The following PCDHGB7 variants were observed in gnomAD, a reference collection of about 807,000 sequenced individuals.
PCDHGB7 encodes the protein protocadherin gamma-B7.
In PCDHGB7, 37 loss-of-function variants were observed where a neutral mutation model predicts 61.4. That is an observed-to-expected ratio of 0.60 (90% CI 0.46 to 0.79). The LOEUF is 0.79. Among genes scored for constraint, PCDHGB7 ranks in the 30% least tolerant of loss-of-function variants. The pLI is 0.00. For missense variants in PCDHGB7, 1,166 were observed against 1,202.5 expected, an observed-to-expected ratio of 0.97 and a Z score of 0.45; for synonymous variants, 464 against 503.5, an observed-to-expected ratio of 0.92 and a Z score of 1.05.
At position 141,432,995 on chromosome 5, in the gene PCDHGB7, G is replaced by A. The variant is rs576866505; in HGVS notation, c.2415+12721G>A. On this transcript the variant is annotated intron_variant, in intron 1 of 3. Transcript: ENST00000398594. This position sits in a 1 kb window ranked among gnomAD's most constrained non-coding sequence, Gnocchi z 6.0. ...GTCGCACTTTGTGGGCGTGGACGGGGTGCAGGCTTTCCTGCAGACCTATTC... is the reference window on the plus strand; with the variant it reads ...GTCGCACTTTGTGGGCGTGGACGGGATGCAGGCTTTCCTGCAGACCTATTC... The A allele has an allele frequency of 1.2e-6, 2 of 1,614,226 alleles. No individual in the cohort carries two copies. The highest frequency in any genetic ancestry group is 3.3e-5 in the Admixed American group (2 of 60,028).
intron 2 of PCDHGB7, among the ~76,000 whole-genome samples, chr5:141,504,238 G>A (rs1043662594): frequency 2.0e-5 from 3 of 152,228 alleles, no homozygotes; most frequent in African/African-American, 7.2e-5. Flanking sequence ...CTAAGAAGCA[G>A]AGAGTTCTTC....
intron 1 of PCDHGB7, among the ~76,000 whole-genome samples, chr5:141,482,592 C>T (rs187714622): frequency 1.0e-4 from 15 of 142,934 alleles, no homozygotes; most frequent in East Asian, 6.1e-4. Context: ...TGGGACCAAA[C>T]GGGAAAAAAC....
chr5:141,503,221 C>A (rs528636727), intron 2 of PCDHGB7, among the ~76,000 whole-genome samples: 2 of 151,956 alleles, frequency 1.3e-5, no homozygotes, highest in Non-Finnish European at 2.9e-5. Context: ...CCATGAGCAC[C>A]GTAAAGATGG....
At chr5:141,421,789 G>A (rs756677817) in intron 1 of PCDHGB7, 5 of 1,613,830 alleles carry the variant, frequency 3.1e-6, no homozygotes, top group East Asian at 2.2e-5. Context: ...GGGCAGAACG[G>A]ATGGGGCCAA....
rs773688197 is a variant in PCDHGB7 at position 141,432,412 on chromosome 5, C to A, written c.2415+12138C>A. 2.5e-6 allele frequency: 4 copies of A among 1,614,128 alleles called. No homozygotes were observed. The Admixed American group carries it at 6.7e-5, about 27-fold the overall frequency. On this transcript the variant is annotated intron_variant, in intron 1 of 3. Transcript: ENST00000398594. The surrounding 1 kb of genome is among the most constrained non-coding windows in gnomAD (Gnocchi z 6.0). ...GCAGCAACGTGTCGTTGAGCCTGTT[C>A]GTGCTGGACCAGAACGACAATGCGC...
intron 1 of PCDHGB7, chr5:141,426,791 C>T (rs2096960403): frequency 2.2e-6 from 1 of 456,574 alleles, no homozygotes; most frequent in Non-Finnish European, 4.4e-6. Context: ...TCCAGAGTTA[C>T]CAGCTCAGTT....
At position 141,419,702 on chromosome 5, in the gene PCDHGB7, G is replaced by T. The variant is rs116279995; in HGVS notation, c.1843G>T (p.Gly615Trp). Residue 615 changes from glycine (G) to tryptophan (W), a missense_variant, in exon 1 of 4, where the codon GGG becomes TGG. Transcript: ENST00000398594. ...SYHVVQASEP[G>W]LFSLGLRTGE... ...CCACGTGGTGCAGGCCAGTGAGCCC[G>T]GGCTCTTCAGCCTGGGGCTGCGAAC... 2 of 1,612,834 alleles carry T rather than the reference G, an allele frequency of 1.2e-6. No individual in the cohort carries two copies. Among genetic ancestry groups the T allele is most frequent in the East Asian group, 4.5e-5 (2 of 44,880 alleles).
Position 141,431,690 on chromosome 5 carries a change from G to A in PCDHGB7, c.2415+11416G>A. 1.2e-6 allele frequency: 2 copies of A among 1,614,234 alleles called. No individual in the cohort carries two copies. Among genetic ancestry groups the A allele is most frequent in the Non-Finnish European group, 8.5e-7 (1 of 1,180,040 alleles). On this transcript the variant is annotated intron_variant, in intron 1 of 3. Coordinates refer to ENST00000398594, the MANE Select transcript of PCDHGB7 (RefSeq NM_018927.4). The surrounding 1 kb of genome is among the most constrained non-coding windows in gnomAD (Gnocchi z 4.8). ...AACAATAGGGGAGTTGGACCACGAG[G>A]AGTCAGGATTCTACCAGATGGAAGT... is the stretch of plus-strand genomic sequence containing the variant.
chr5:141,432,362 C>T lies in PCDHGB7; in HGVS notation c.2415+12088C>T. On this transcript the variant is annotated intron_variant, in intron 1 of 3. Transcript: ENST00000398594. The surrounding 1 kb of genome is among the most constrained non-coding windows in gnomAD (Gnocchi z 6.0). ...AGACTTGCAAGTGAAAGTGATGGCG[C>T]GGGACAACGGGCACCCGCCCCTCAG... 2 of 1,614,218 alleles carry T rather than the reference C, an allele frequency of 1.2e-6. No homozygotes were observed. Among genetic ancestry groups the T allele is most frequent in the South Asian group, 2.2e-5 (2 of 91,082 alleles).
intron 1 of PCDHGB7, chr5:141,440,542 C>T (rs1448576873): frequency 6.6e-6 from 1 of 152,206 alleles, no homozygotes; most frequent in Non-Finnish European, 1.5e-5. Context: ...CACGGTTCAG[C>T]AGGAATGTTA....
At chr5:141,434,609 G>A (rs189866750) in intron 1 of PCDHGB7, among the ~76,000 whole-genome samples, 11 of 152,064 alleles carry the variant, frequency 7.2e-5, no homozygotes, top group Non-Finnish European at 1.3e-4. Context: ...CTTTATTTCC[G>A]CCCATCTCTT....
chr5:141,490,998 C>T lies in PCDHGB7; in HGVS notation c.2416-3809C>T, dbSNP rs1284919124. 5 of 1,614,014 alleles carry T rather than the reference C, an allele frequency of 3.1e-6. No homozygotes were observed. The highest frequency in any genetic ancestry group is 1.7e-5 in the Admixed American group (1 of 60,016). On this transcript the variant is annotated intron_variant, in intron 1 of 3. Coordinates refer to ENST00000398594, the MANE Select transcript of PCDHGB7 (RefSeq NM_018927.4). The surrounding 1 kb of genome is among the most constrained non-coding windows in gnomAD (Gnocchi z 5.4). Reference sequence around the variant, plus strand: ...GTCTCCCTCGCTCTGCTCCTCCTGGCTCCTTGGTCACCAAGGTGACAGCCG... The same window carrying T: ...GTCTCCCTCGCTCTGCTCCTCCTGGTTCCTTGGTCACCAAGGTGACAGCCG...
At position 141,491,766 on chromosome 5, in the gene PCDHGB7, T is replaced by G. The variant is rs772444495; in HGVS notation, c.2416-3041T>G. On this transcript the variant is annotated intron_variant, in intron 1 of 3. Coordinates refer to ENST00000398594, the MANE Select transcript of PCDHGB7 (RefSeq NM_018927.4). This position sits in a 1 kb window ranked among gnomAD's most constrained non-coding sequence, Gnocchi z 6.9. ...GCACTGGAGAAGCCGCCCGTCCTCA[T>G]AAGGGATTGAACTTGCATCCACTCC... The G allele has an allele frequency of 1.9e-6, 3 of 1,567,856 alleles. No homozygotes were observed. Among genetic ancestry groups the G allele is most frequent in the Non-Finnish European group, 8.6e-7 (1 of 1,158,088 alleles).
intron 1 of PCDHGB7, among the ~76,000 whole-genome samples, chr5:141,438,252 G>A (rs1181991674): frequency 6.6e-6 from 1 of 152,072 alleles, no homozygotes. Context: ...AACTGTCATT[G>A]AAGAGACCAT....
intron 1 of PCDHGB7, among the ~76,000 whole-genome samples, chr5:141,483,945 ATTGTG>A (rs2099589210): frequency 8.3e-6 from 1 of 120,394 alleles, no homozygotes; most frequent in Non-Finnish European, 1.6e-5. Context: ...TACGGTGTGA[ATTGTG>A]TTGTGTTTCT....
intron 1 of PCDHGB7, chr5:141,428,910 A>C (rs956124609): frequency 1.3e-5 from 2 of 151,302 alleles, no homozygotes; most frequent in Non-Finnish European, 2.9e-5. Context: ...GCTGGAGTGC[A>C]GTGGCATGAT....
intron 1 of PCDHGB7, among the ~76,000 whole-genome samples, chr5:141,445,945 C>G (rs1433543714): frequency 1.3e-5 from 2 of 152,254 alleles, no homozygotes; most frequent in Non-Finnish European, 2.9e-5. Flanking sequence ...TAAGCTTACT[C>G]TGGCTGCTAT....
At chr5:141,422,617 G>T (rs758903894) in intron 1 of PCDHGB7, 3 of 1,613,524 alleles carry the variant, frequency 1.9e-6, no homozygotes, top group Non-Finnish European at 2.5e-6. Context: ...CTACATTCCC[G>T]AAAACAACCC....
intron 1 of PCDHGB7, among the ~76,000 whole-genome samples, chr5:141,465,206 C>T (rs375753635): frequency 1.8e-4 from 27 of 151,896 alleles, no homozygotes; most frequent in Middle Eastern, 3.4e-3. Context: ...AAAATATAAG[C>T]TTTATTTTTC....
Sources: gnomAD v4.1 joint callset for allele counts (sites outside exome capture counted in the v4.1 genomes callset) on GRCh38, gnomAD v4.1.1 for gene constraint, Gnocchi (gnomAD v3.1) non-coding constraint, MANE v1.5 for transcripts, NCBI Gene and HGNC (gene_info 2026-07-23, HGNC 2026-07-21) for gene names.